The following GLB1 variants were observed in gnomAD, a reference collection of about 807,000 sequenced individuals.
GLB1 encodes the protein galactosidase beta 1.
Under a neutral mutation model 74.0 loss-of-function variants are expected in GLB1, and 56 were observed. That is an observed-to-expected ratio of 0.76 (90% CI 0.61 to 0.94). The LOEUF (loss-of-function observed/expected upper bound fraction) is 0.94, where lower values mean the gene tolerates loss of function less well. Ranked by LOEUF, GLB1 falls within the 40% of genes least tolerant of loss-of-function variation. GLB1 has a pLI of 0.00. For missense variants in GLB1, 787 were observed against 845.5 expected (o/e 0.93, Z 0.86); for synonymous variants, 323 against 323.6 (o/e 1.00, Z 0.02).
intron 1 of GLB1, among the ~76,000 whole-genome samples, chr3:33,095,473 T>C (rs1158148579): frequency 1.3e-5 from 2 of 152,018 alleles, no homozygotes; most frequent in East Asian, 3.9e-4. Flanking sequence ...AACAAGGAGA[T>C]AATGGAAAGC....
chr3:33,023,383 T>C (rs1435136579), intron 11 of GLB1, among the ~76,000 whole-genome samples: 1 of 152,216 alleles, frequency 6.6e-6, no homozygotes, highest in Non-Finnish European at 1.5e-5. Flanking sequence ...TTGTAGAATG[T>C]AGCACAGGTA....
intron 6 of GLB1, among the ~76,000 whole-genome samples, chr3:33,056,724 A>AT (rs1470648795): frequency 1.3e-5 from 2 of 152,142 alleles, no homozygotes; most frequent in Non-Finnish European, 2.9e-5. Flanking sequence ...AAAAATATAC[A>AT]TTTTTCTGAG....
chr3:33,077,315 ACAC>A, intron 1 of GLB1: 2 of 1,563,278 alleles, frequency 1.3e-6, no homozygotes, highest in South Asian at 2.2e-5. Context: ...TAAGAGGCAT[ACAC>A]CACTTAGTAA....
chr3:32,987,991 C>A, the GLB1 span, among the ~76,000 whole-genome samples: 1 of 151,880 alleles, frequency 6.6e-6, no homozygotes, highest in African/African-American at 2.4e-5. Flanking sequence ...TTGAGACCAC[C>A]TGACTAACAT....
intron 7 of GLB1, 41 bp from the exon 8 acceptor site, chr3:33,052,045 G>A (rs933271481): frequency 1.9e-6 from 3 of 1,609,584 alleles, no homozygotes; most frequent in Non-Finnish European, 2.5e-6. Context: ...ATAGACTTAT[G>A]ACCTTCCAAT....
intron 2 of GLB1, among the ~76,000 whole-genome samples, chr3:33,071,951 A>C (rs1699903570): frequency 6.6e-6 from 1 of 152,104 alleles, no homozygotes; most frequent in South Asian, 2.1e-4. Context: ...TCAGTCCACC[A>C]CCATTAGGTC....
chr3:33,090,587 C>T lies in GLB1; in HGVS notation c.75+6424G>A, dbSNP rs552279483. ...GAAAGAATGATCAAGCTTCAAGTAA[C>T]GTTTCTCACCACCTCCCCCGGCCAC... On this transcript the variant is annotated intron_variant, in intron 1 of 15. Coordinates refer to ENST00000307363, the MANE Select transcript of GLB1 (RefSeq NM_000404.4). 31 of 985,316 alleles carry T rather than the reference C, an allele frequency of 3.1e-5. No homozygotes were observed. The East Asian group carries it at 4.5e-4, about 14-fold the overall frequency. The allele number at this position is 985,316 out of a possible 1,614,324, so 61.0% of individuals were successfully genotyped here.
At chr3:33,063,321 T>C (rs1448159638) in intron 5 of GLB1, among the ~76,000 whole-genome samples, 1 of 152,148 alleles carries the variant, frequency 6.6e-6, no homozygotes, top group Non-Finnish European at 1.5e-5. Flanking sequence ...CTCCTGAGGT[T>C]TGAGTAACAA....
chr3:33,083,978 A>C (rs982313780), intron 1 of GLB1, among the ~76,000 whole-genome samples: 8 of 152,218 alleles, frequency 5.3e-5, no homozygotes, highest in African/African-American at 1.4e-4. Flanking sequence ...GAAATAAAAG[A>C]AGCTCAGTGA....
At chr3:33,084,925 G>A (rs1700449420) in intron 1 of GLB1, among the ~76,000 whole-genome samples, 1 of 152,080 alleles carries the variant, frequency 6.6e-6, no homozygotes, top group Admixed American at 6.5e-5. Flanking sequence ...TATATATGTA[G>A]TAGGATAAAA....
At chr3:33,049,366 A>G (rs1367613237) in intron 9 of GLB1, among the ~76,000 whole-genome samples, 1 of 152,166 alleles carries the variant, frequency 6.6e-6, no homozygotes, top group Admixed American at 6.5e-5. Flanking sequence ...TTACATAGGT[A>G]AACGTGTGCC....
chr3:33,026,248 T>C (rs564392888), intron 10 of GLB1, among the ~76,000 whole-genome samples: 1 of 152,264 alleles, frequency 6.6e-6, no homozygotes, highest in Admixed American at 6.5e-5. Context: ...CCAGCGCCAC[T>C]CCGACCTCGG....
Position 33,093,641 on chromosome 3 carries a change from C to T in GLB1, c.75+3370G>A, listed in dbSNP as rs372873177. On this transcript the variant is annotated intron_variant, in intron 1 of 15. Coordinates refer to ENST00000307363, the MANE Select transcript of GLB1 (RefSeq NM_000404.4). This position sits in a 1 kb window ranked among gnomAD's most constrained non-coding sequence, Gnocchi z 6.0. ...CCACAGTTTTCACAGCCGGGGGCTG[C>T]GCGGCATTCAGAATCCCGGCCACGC... 41 of 1,614,008 alleles carry T rather than the reference C, an allele frequency of 2.5e-5. No homozygotes were observed. Among genetic ancestry groups the T allele is most frequent in the South Asian group, 7.7e-5 (7 of 91,090 alleles).
chr3:33,025,236 C>T (rs1261436932), intron 10 of GLB1, among the ~76,000 whole-genome samples: 2 of 152,192 alleles, frequency 1.3e-5, no homozygotes, highest in East Asian at 1.9e-4. Context: ...TGAGCCAGCG[C>T]GCCTGGCCAC....
rs149984387 is a variant in GLB1, at chr3:33,008,465, C to T, written c.1734+5591G>A. On this transcript the variant is annotated intron_variant, in intron 15 of 15. Transcript: ENST00000307363. The stretch of plus-strand genomic sequence containing the variant: ...GTTGGAGGCAGAGAGATAAGTCTGA[C>T]AGGAAGCTGAGGGAACAAAGGAGTT... Among the ~76,000 whole-genome samples the T allele has an allele frequency of 1.7e-3, 257 of 152,184 alleles. 3 individuals carry two copies. The highest frequency in any genetic ancestry group is 5.9e-3 in the African/African-American group (245 of 41,530).
chr3:33,052,137 C>T lies in GLB1; in HGVS notation c.793-133G>A, dbSNP rs114055848. On this transcript the variant is annotated intron_variant, in intron 7 of 15. Coordinates refer to ENST00000307363, the MANE Select transcript of GLB1 (RefSeq NM_000404.4). ...TGACATGCACTGCTTAACCCAGAGA[C>T]GCCCCCCAGTGAGCACTTCCAATAC... 2.9e-4 allele frequency: 434 copies of T among 1,479,664 alleles called. 1 individual carries two copies. In the African/African-American group the frequency reaches 5.5e-3, roughly 19 times the overall value. The allele number at this position is 1,479,664 out of a possible 1,614,324, so 91.7% of individuals were successfully genotyped here. A position where few individuals can be genotyped will look rare whatever the true frequency, so the allele number is the denominator to read the frequency against.
the GLB1 span, among the ~76,000 whole-genome samples, chr3:32,984,833 T>G: frequency 6.6e-6 from 1 of 152,040 alleles, no homozygotes; most frequent in Non-Finnish European, 1.5e-5. Context: ...TCCCAGCTTC[T>G]CAGGAGGCTG....
intron 10 of GLB1, among the ~76,000 whole-genome samples, chr3:33,027,170 T>A (rs1559388843): frequency 6.6e-6 from 1 of 152,230 alleles, no homozygotes; most frequent in Admixed American, 6.5e-5. Context: ...CTGGGCACTA[T>A]TGCATACCCT....
At chr3:33,060,690 A>T (rs1699404533) in intron 5 of GLB1, among the ~76,000 whole-genome samples, 1 of 152,180 alleles carries the variant, frequency 6.6e-6, no homozygotes, top group African/African-American at 2.4e-5. Flanking sequence ...AAAAATGCGT[A>T]CACATAATTT....
Sources: allele counts gnomAD v4.1 joint callset (sites outside exome capture counted in the v4.1 genomes callset), GRCh38; gene constraint gnomAD v4.1.1; non-coding constraint Gnocchi (gnomAD v3.1); transcripts MANE v1.5; gene names NCBI Gene and HGNC (gene_info 2026-07-23, HGNC 2026-07-21).